The following GPM6A variants were observed in gnomAD, a reference collection of about 807,000 sequenced individuals.
GPM6A encodes the protein neuronal membrane glycoprotein M6-a.
Under a neutral mutation model 32.1 loss-of-function variants are expected in GPM6A, and 7 were observed. That is an observed-to-expected ratio of 0.22 (90% confidence interval 0.12 to 0.41). The LOEUF (loss-of-function observed/expected upper bound fraction) is 0.41. GPM6A is among the 10% of genes least tolerant of loss of function. GPM6A has a pLI of 1.00. For missense variants in GPM6A, 235 were observed against 347.2 expected, an observed-to-expected ratio of 0.68 and a Z score of 2.57; for synonymous variants, 130 against 123.4, an observed-to-expected ratio of 1.05 and a Z score of -0.35.
At position 175,711,661 on chromosome 4, in the gene GPM6A, G is replaced by A. The variant is rs552628039; in HGVS notation, c.38-9894C>T. The stretch of plus-strand genomic sequence containing the variant: ...AAAAGGGCTCCCCAGAGAATCCCCA[G>A]CTGTCTTGTGCATTCGGAGGATGGA... On this transcript the variant is annotated intron_variant, in intron 1 of 6. Transcript: ENST00000393658. Among the ~76,000 whole-genome samples, 11 of 147,118 alleles carry A rather than the reference G, an allele frequency of 7.5e-5. No homozygotes were observed. The South Asian group carries it at 2.0e-3, about 26-fold the overall frequency.
chr4:175,670,184 G>T (rs991030391), intron 3 of GPM6A, among the ~76,000 whole-genome samples: 1 of 152,254 alleles, frequency 6.6e-6, no homozygotes, highest in South Asian at 2.1e-4. Context: ...CTTAGAGCAG[G>T]TAGATTTATG....
At chr4:175,911,195 C>T (rs926300913) in intron 1 of GPM6A, among the ~76,000 whole-genome samples, 4 of 152,116 alleles carry the variant, frequency 2.6e-5, no homozygotes, top group Non-Finnish European at 5.9e-5. Context: ...TTTCAGCTGA[C>T]GTTAGGATCC....
chr4:175,836,764 T>C (rs1482247142), intron 1 of GPM6A, among the ~76,000 whole-genome samples: 11 of 152,096 alleles, frequency 7.2e-5, no homozygotes, highest in Admixed American at 7.2e-4. Flanking sequence ...CAATGGGGTA[T>C]ATTATGTCCA....
chr4:175,767,983 A>T (rs1178879340), intron 1 of GPM6A, among the ~76,000 whole-genome samples: 1 of 152,192 alleles, frequency 6.6e-6, no homozygotes, highest in Non-Finnish European at 1.5e-5. Context: ...TTTTTCAGAG[A>T]TTTAGAGGCT....
intron 1 of GPM6A, among the ~76,000 whole-genome samples, chr4:175,797,131 A>G (rs1044104130): frequency 1.3e-5 from 2 of 152,202 alleles, no homozygotes; most frequent in Admixed American, 6.5e-5. Flanking sequence ...TAACACATGT[A>G]AAATTGAACC....
At chr4:175,653,878 AT>A (rs1276996072) in intron 3 of GPM6A, among the ~76,000 whole-genome samples, 1 of 152,112 alleles carries the variant, frequency 6.6e-6, no homozygotes, top group Non-Finnish European at 1.5e-5. Flanking sequence ...TAATATTAAT[AT>A]TTTTAAGTGG....
chr4:175,865,345 T>C (rs769495248), intron 1 of GPM6A, among the ~76,000 whole-genome samples: 3 of 152,200 alleles, frequency 2.0e-5, no homozygotes, highest in Non-Finnish European at 4.4e-5. Flanking sequence ...ATGATAAGTA[T>C]TGTTGTCAGA....
intron 1 of GPM6A, among the ~76,000 whole-genome samples, chr4:175,901,201 A>G (rs1039906362): frequency 6.6e-6 from 1 of 152,128 alleles, no homozygotes; most frequent in Non-Finnish European, 1.5e-5. Context: ...AAAAAATTAG[A>G]AAGAATGAAA....
intron 1 of GPM6A, among the ~76,000 whole-genome samples, chr4:175,786,033 AGTTTCC>A (rs1332577625): frequency 6.6e-6 from 1 of 152,212 alleles, no homozygotes; most frequent in Non-Finnish European, 1.5e-5. Flanking sequence ...ATAAACCTAT[AGTTTCC>A]AAGCTGTGAC....
chr4:175,982,571 A>G (rs996452411), intron 1 of GPM6A, among the ~76,000 whole-genome samples: 2 of 152,156 alleles, frequency 1.3e-5, no homozygotes, highest in African/African-American at 4.8e-5. Context: ...ATGTGGGTTT[A>G]TCTCTAGAGT....
chr4:175,897,528 T>C (rs988081509), intron 1 of GPM6A, among the ~76,000 whole-genome samples: 1 of 152,168 alleles, frequency 6.6e-6, no homozygotes, highest in Admixed American at 6.5e-5. Flanking sequence ...GAATTCTCAA[T>C]ACAACATAGG....
chr4:175,893,537 C>G (rs938968383), intron 1 of GPM6A, among the ~76,000 whole-genome samples: 8 of 152,094 alleles, frequency 5.3e-5, no homozygotes, highest in African/African-American at 1.9e-4. Flanking sequence ...AGCTGACTGC[C>G]TTTTTCCTCT....
At chr4:175,658,438 G>T (rs1216479591) in intron 3 of GPM6A, among the ~76,000 whole-genome samples, 3 of 152,092 alleles carry the variant, frequency 2.0e-5, no homozygotes, top group Non-Finnish European at 2.9e-5. Flanking sequence ...GGGCTGAATA[G>T]GTGGAGCACA....
At position 175,854,355 on chromosome 4, in the gene GPM6A, T is replaced by C. The variant is rs78524200; in HGVS notation, c.-22-42106A>G. Among the ~76,000 whole-genome samples the C allele has an allele frequency of 3.3e-3, 503 of 152,290 alleles. 11 individuals are homozygous for C. The East Asian group carries it at 0.068, about 21-fold the overall frequency. On this transcript the variant is annotated intron_variant, in intron 1 of 7. Transcript: ENST00000280187. Reference sequence around the variant, plus strand: ...TTCATCAAGAACTCTTTTTATCTGATAGCAATGAAAGCTTAGAAAGGTGAA... The same window carrying C: ...TTCATCAAGAACTCTTTTTATCTGACAGCAATGAAAGCTTAGAAAGGTGAA...
At chr4:175,919,869 C>T (rs1439281850) in intron 1 of GPM6A, among the ~76,000 whole-genome samples, 3 of 152,156 alleles carry the variant, frequency 2.0e-5, no homozygotes, top group Non-Finnish European at 4.4e-5. Flanking sequence ...AGCTATGTAG[C>T]CCCCCAAATT....
chr4:175,870,885 A>T (rs1455982420), intron 1 of GPM6A, among the ~76,000 whole-genome samples: 1 of 152,090 alleles, frequency 6.6e-6, no homozygotes, highest in Non-Finnish European at 1.5e-5. Context: ...TTTTAAAGAG[A>T]TGTTGTAAGA....
At chr4:175,677,401 A>G (rs1469855304) in intron 2 of GPM6A, among the ~76,000 whole-genome samples, 3 of 152,182 alleles carry the variant, frequency 2.0e-5, no homozygotes, top group African/African-American at 4.8e-5. Flanking sequence ...AAAAAAGGCT[A>G]AGAGAATTTG....
At chr4:175,928,685 A>G (rs1025702090) in intron 1 of GPM6A, among the ~76,000 whole-genome samples, 1 of 152,224 alleles carries the variant, frequency 6.6e-6, no homozygotes, top group Non-Finnish European at 1.5e-5. Context: ...GCACCAAGAA[A>G]CGCAGTATGA....
chr4:175,919,008 C>T (rs970866908), intron 1 of GPM6A, among the ~76,000 whole-genome samples: 32 of 151,934 alleles, frequency 2.1e-4, no homozygotes, highest in Non-Finnish European at 3.2e-4. Flanking sequence ...TGAAACAAAA[C>T]TGAACTCACT....
Sources: allele counts gnomAD v4.1 joint callset (sites outside exome capture counted in the v4.1 genomes callset), GRCh38; gene constraint gnomAD v4.1.1; transcripts MANE v1.5; gene names NCBI Gene and HGNC (gene_info 2026-07-23, HGNC 2026-07-21).